EXTL3: variants seen among roughly 807,000 people sequenced by gnomAD.
The protein encoded by EXTL3 is exostosin-like 3.
Under a neutral mutation model 69.3 loss-of-function variants are expected in EXTL3, and 27 were observed. That is an observed-to-expected ratio of 0.39 (90% CI 0.29 to 0.54). EXTL3 has a LOEUF of 0.54. EXTL3 is among the 20% of genes least tolerant of loss of function. The probability of loss-of-function intolerance (pLI) is 0.69; values close to 1 mark genes in which losing one functional copy is unlikely to be tolerated. For synonymous variants in EXTL3, 511 were observed against 499.4 expected (o/e 1.02, Z -0.31); for missense variants, 1,003 against 1,231.8 (o/e 0.81, Z 2.78).
At chr8:28,648,653 A>G (rs913381452) in intron 1 of EXTL3, among the ~76,000 whole-genome samples, 1 of 151,610 alleles carries the variant, frequency 6.6e-6, no homozygotes, top group East Asian at 1.9e-4. Flanking sequence ...AGAGGCCACT[A>G]CTGTCCTGAG....
At chr8:28,650,096 T>C (rs1227583114) in intron 1 of EXTL3, among the ~76,000 whole-genome samples, 3 of 148,014 alleles carry the variant, frequency 2.0e-5, no homozygotes, top group African/African-American at 7.5e-5. Context: ...CTCTGGAGGG[T>C]GAGGCAGGAG....
At chr8:28,679,067 A>C (rs1379656707) in intron 1 of EXTL3, among the ~76,000 whole-genome samples, 2 of 152,244 alleles carry the variant, frequency 1.3e-5, no homozygotes, top group Non-Finnish European at 2.9e-5. Flanking sequence ...GTAAAGACAC[A>C]GAACAGTACA....
intron 1 of EXTL3, among the ~76,000 whole-genome samples, chr8:28,710,834 G>C (rs1221582227): frequency 6.6e-6 from 1 of 151,986 alleles, no homozygotes; most frequent in Non-Finnish European, 1.5e-5. Context: ...GCAGCGCCTG[G>C]CTTGTGGTAT....
intron 3 of EXTL3, among the ~76,000 whole-genome samples, chr8:28,725,954 GT>G (rs1040073259): frequency 0.026 from 3,490 of 133,068 alleles, 49 homozygotes; most frequent in Middle Eastern, 0.03. Context: ...ATTTAGAAGT[GT>G]TTTTTTTTTT....
rs1263005518 is a variant in EXTL3 at position 28,717,123 on chromosome 8, C to A, written c.1064C>A (p.Ser355Tyr). The A allele has an allele frequency of 1.1e-5, 17 of 1,614,116 alleles. No individual in the cohort carries two copies. Among genetic ancestry groups the A allele is most frequent in the Non-Finnish European group, 1.4e-5 (16 of 1,180,044 alleles). ...FQGEKIESLRSSLQEARSFEE... is the reference protein window; with the variant it reads ...FQGEKIESLRYSLQEARSFEE... ...GGCGAGAAGATTGAGTCTCTGAGGT[C>A]TAGCCTTCAGGAGGCCCGCTCCTTC... The change falls in exon 3 of 7, where the codon TCT (serine) becomes TAT (tyrosine). Residue 355 changes from serine to tyrosine, a missense_variant. By Grantham distance (144) the Ser-to-Tyr change is moderately radical. Transcript: ENST00000220562. The surrounding 1 kb of genome is among the most constrained non-coding windows in gnomAD (Gnocchi z 8.3).
chr8:28,610,239 T>TGTGTGTG (rs1806254779), intron 2 of EXTL3, among the ~76,000 whole-genome samples: 4 of 112,666 alleles, frequency 3.6e-5, no homozygotes, highest in South Asian at 2.7e-4. Flanking sequence ...GTGTGTGTGT[T>TGTGTGTG]TGTGTATGCA....
At chr8:28,720,736 G>T (rs1277051323) in intron 3 of EXTL3, among the ~76,000 whole-genome samples, 1 of 152,144 alleles carries the variant, frequency 6.6e-6, no homozygotes, top group African/African-American at 2.4e-5. Context: ...TGGGTCTCCC[G>T]TTGAATGGGG....
At chr8:28,692,439 T>G (rs536756469) in intron 1 of EXTL3, among the ~76,000 whole-genome samples, 1 of 152,286 alleles carries the variant, frequency 6.6e-6, no homozygotes, top group African/African-American at 2.4e-5. Flanking sequence ...TTTAGGAAAA[T>G]AGGGGAAAAC....
At chr8:28,640,093 C>G (rs1303394546) in intron 1 of EXTL3, among the ~76,000 whole-genome samples, 2 of 151,994 alleles carry the variant, frequency 1.3e-5, no homozygotes, top group Non-Finnish European at 2.9e-5. Flanking sequence ...CAGTAAGACT[C>G]TGTCTCAAAA....
At chr8:28,617,207 G>T (rs1806341521) in intron 2 of EXTL3, among the ~76,000 whole-genome samples, 1 of 152,108 alleles carries the variant, frequency 6.6e-6, no homozygotes, top group Non-Finnish European at 1.5e-5. Context: ...CCAACACCCC[G>T]TTCCGAGAAG....
Position 28,716,428 on chromosome 8 carries a change from C to T in EXTL3, c.369C>T (p.Asn123=), listed in dbSNP as rs761359440. Residue 123 remains asparagine, a synonymous_variant, in exon 3 of 7, where the codon AAC becomes AAT. Transcript: ENST00000220562. This position sits in a 1 kb window ranked among gnomAD's most constrained non-coding sequence, Gnocchi z 7.1. ...AAGCCTGTAAGAAGAGCATTGAGAA[C>T]GCCAAGCAGGACCTGCTCCAGCTCA... is the stretch of plus-strand genomic sequence containing the variant. The part of the protein sequence containing the change: ...KIEACKKSIE[N]AKQDLLQLKN... 3.5e-5 allele frequency: 57 copies of T among 1,613,644 alleles called. No individual in the cohort carries two copies. Among genetic ancestry groups the T allele is most frequent in the East Asian group, 1.8e-4 (8 of 44,894 alleles).
At chr8:28,648,943 GA>G (rs1806876472) in intron 1 of EXTL3, among the ~76,000 whole-genome samples, 1 of 152,086 alleles carries the variant, frequency 6.6e-6, no homozygotes, top group African/African-American at 2.4e-5. Context: ...GCCCAGGCTG[GA>G]GTGCAGTGGT....
intron 1 of EXTL3, among the ~76,000 whole-genome samples, chr8:28,687,453 G>A (rs1049784484): frequency 6.6e-6 from 1 of 152,112 alleles, no homozygotes; most frequent in African/African-American, 2.4e-5. Context: ...GCAACAGAGC[G>A]AGACTCCATC....
In EXTL3 at chr8:28,717,268, G is replaced by T; in HGVS notation, c.1209G>T (p.Gln403His). The T allele has an allele frequency of 6.2e-7, 1 of 1,614,220 alleles. No homozygotes were observed. The highest frequency in any genetic ancestry group is 2.2e-5 in the East Asian group (1 of 44,878). Residue 403 changes from glutamine (Q) to histidine (H), a missense_variant, in exon 3 of 7, where the codon CAG becomes CAT. By Grantham distance (24) the Gln-to-His change is conservative. Transcript: ENST00000220562. This position sits in a 1 kb window ranked among gnomAD's most constrained non-coding sequence, Gnocchi z 8.3. ...QVLVEFTCKN[Q>H]PKPSLPTEWA... ...TGGTGGAATTCACCTGCAAAAACCA[G>T]CCCAAACCCAGCCTGCCGACTGAGT...
At chr8:28,609,710 G>A (rs981657138) in intron 2 of EXTL3, among the ~76,000 whole-genome samples, 2 of 151,926 alleles carry the variant, frequency 1.3e-5, no homozygotes, top group Admixed American at 6.6e-5. Flanking sequence ...TCAACATGGC[G>A]AAACCCCATC....
At chr8:28,708,054 C>G (rs1800958422) in intron 1 of EXTL3, among the ~76,000 whole-genome samples, 1 of 152,172 alleles carries the variant, frequency 6.6e-6, no homozygotes, top group Admixed American at 6.5e-5. Context: ...TGTGATTTGT[C>G]TGCTAGTGGC....
intron 1 of EXTL3, among the ~76,000 whole-genome samples, chr8:28,636,202 C>T (rs1410250011): frequency 2.0e-5 from 3 of 151,458 alleles, no homozygotes; most frequent in Admixed American, 6.6e-5. Context: ...TGTGGTGGTG[C>T]GCACCTGTAG....
rs1801188158 is a variant in EXTL3, at chr8:28,717,557, C to T, written c.1498C>T (p.Leu500Phe). 1.2e-6 allele frequency: 2 copies of T among 1,614,254 alleles called. No individual in the cohort carries two copies. The highest frequency in any genetic ancestry group is 1.7e-6 in the Non-Finnish European group (2 of 1,180,046). ...VTEVHFLLRSLSDSDLLAMRR... is the reference protein window; with the variant it reads ...VTEVHFLLRSFSDSDLLAMRR... ...CGAGGTTCATTTCCTGCTCAGAAGCCTCTCCGATAGTGACCTCCTGGCTAT... is the reference window on the plus strand; with the variant it reads ...CGAGGTTCATTTCCTGCTCAGAAGCTTCTCCGATAGTGACCTCCTGGCTAT... The change falls in exon 3 of 7, where the codon CTC becomes TTC. Residue 500 changes from leucine to phenylalanine, a missense_variant. Transcript: ENST00000220562. The surrounding 1 kb of genome is among the most constrained non-coding windows in gnomAD (Gnocchi z 8.3).
chr8:28,734,622 GA>G (rs1327628713), intron 4 of EXTL3, among the ~76,000 whole-genome samples: 1 of 152,222 alleles, frequency 6.6e-6, no homozygotes, highest in Non-Finnish European at 1.5e-5. Flanking sequence ...TGAGACAGGA[GA>G]ATTGCTTGAA....
Sources: allele counts gnomAD v4.1 joint callset (sites outside exome capture counted in the v4.1 genomes callset), GRCh38; gene constraint gnomAD v4.1.1; non-coding constraint Gnocchi (gnomAD v3.1); transcripts MANE v1.5; gene names NCBI Gene and HGNC (gene_info 2026-07-23, HGNC 2026-07-21).